DOCK8: variants seen among roughly 807,000 people sequenced by gnomAD.
DOCK8 encodes dedicator of cytokinesis protein 8.
In DOCK8, 141 loss-of-function variants were observed where a neutral mutation model predicts 245.6. The observed-to-expected ratio is 0.57, with a 90% confidence interval of 0.50 to 0.66. The LOEUF (loss-of-function observed/expected upper bound fraction) is 0.66, where lower values mean the gene tolerates loss of function less well. Among genes scored for constraint, DOCK8 ranks in the 30% least tolerant of loss-of-function variants. DOCK8 has a pLI of 0.00. For missense variants in DOCK8, 2,965 were observed against 2,603.4 expected, an observed-to-expected ratio of 1.14 and a Z score of -3.02; for synonymous variants, 1,168 against 970.2, an observed-to-expected ratio of 1.20 and a Z score of -3.79.
intron 29 of DOCK8, among the ~76,000 whole-genome samples, chr9:416,113 G>A (rs1313934647): frequency 6.6e-6 from 1 of 152,158 alleles, no homozygotes; most frequent in Admixed American, 6.5e-5. Flanking sequence ...TGAGACAGGG[G>A]TTAGGGTTTG....
At chr9:304,337 A>G (rs1460146823) in intron 4 of DOCK8, among the ~76,000 whole-genome samples, 1 of 152,136 alleles carries the variant, frequency 6.6e-6, no homozygotes, top group East Asian at 1.9e-4. Context: ...CTGAAGTGGC[A>G]TTTTCCCAGG....
chr9:418,297 A>T, intron 30 of DOCK8, 90 bp downstream of exon 30: 2 of 1,543,848 alleles, frequency 1.3e-6, no homozygotes, highest in Non-Finnish European at 1.8e-6. Context: ...TTTGAGACAG[A>T]GTCTCACTCT....
At chr9:432,138 ATC>A in intron 36 of DOCK8, 26 bp from the exon 37 acceptor site, 1 of 1,536,266 alleles carries the variant, frequency 6.5e-7, no homozygotes, top group Non-Finnish European at 8.8e-7. Flanking sequence ...TATTTACTTC[ATC>A]TTTTTTTTTT....
At chr9:299,877 C>G (rs932487152) in intron 4 of DOCK8, among the ~76,000 whole-genome samples, 23 of 151,996 alleles carry the variant, frequency 1.5e-4, no homozygotes, top group African/African-American at 5.6e-4. Flanking sequence ...AAAAAATTAG[C>G]TGGCTGTGGT....
intron 1 of DOCK8, among the ~76,000 whole-genome samples, chr9:223,171 C>G (rs141299624): frequency 0.017 from 2,645 of 152,266 alleles, 35 homozygotes; most frequent in South Asian, 0.052. Context: ...ATTCATTGTT[C>G]TTCTGTGATA....
intron 33 of DOCK8, among the ~76,000 whole-genome samples, chr9:424,095 A>G (rs2056389059): frequency 6.6e-6 from 1 of 151,794 alleles, no homozygotes; most frequent in Admixed American, 6.6e-5. Context: ...AAACCATAGT[A>G]AAATTATAAC....
In DOCK8 at chr9:226,271, A is replaced by G. The variant is rs973465746; in HGVS notation, c.53+11242A>G. On this transcript the variant is annotated intron_variant, in intron 1 of 47. Coordinates refer to ENST00000432829, the MANE Select transcript of DOCK8 (RefSeq NM_203447.4). ...CCATCAGATCTCGTGAGACTTATTC[A>G]CTATCATGAGAATAGCATGAGGAAA... Among the ~76,000 whole-genome samples the G allele has an allele frequency of 2.0e-5, 3 of 152,176 alleles. No individual in the cohort carries two copies. In the South Asian group the frequency reaches 6.2e-4, roughly 32 times the overall value.
intron 4 of DOCK8, 115 bp from the exon 5 acceptor site, chr9:304,466 T>G: frequency 1.4e-6 from 2 of 1,393,040 alleles, no homozygotes; most frequent in South Asian, 1.2e-5. Flanking sequence ...GTTCCCTCTT[T>G]GAAAGCTCTC....
intron 1 of DOCK8, among the ~76,000 whole-genome samples, chr9:248,700 T>C (rs1161050062): frequency 6.6e-6 from 1 of 152,202 alleles, no homozygotes; most frequent in Non-Finnish European, 1.5e-5. Flanking sequence ...CTTTAGATTC[T>C]CCACCTTCCT....
At position 314,290 on chromosome 9, in the gene DOCK8, A is replaced by C. The variant is rs540776820; in HGVS notation, c.741+2124A>C. On this transcript the variant is annotated intron_variant, in intron 6 of 47. Coordinates refer to ENST00000432829, the MANE Select transcript of DOCK8 (RefSeq NM_203447.4). ...CTTTACTTTCCTTCCTCTTCCTCTC[A>C]GTTCTGTGATGGAGATGCCAACATG... 2.6e-5 allele frequency: 4 copies of C among 152,346 alleles called. No homozygotes were observed. The East Asian group carries it at 7.7e-4, about 29-fold the overall frequency. 9.4% of individuals were successfully genotyped at this position (152,346 alleles called of 1,614,324 possible). A position where few individuals can be genotyped will look rare whatever the true frequency, so the allele number is the denominator to read the frequency against.
intron 36 of DOCK8, among the ~76,000 whole-genome samples, chr9:431,128 C>A (rs1417619428): frequency 6.6e-6 from 1 of 152,092 alleles, no homozygotes; most frequent in East Asian, 1.9e-4. Flanking sequence ...CCCTCCTCAG[C>A]CCCCCAAAGT....
chr9:254,448 T>G (rs1052068870), intron 1 of DOCK8, among the ~76,000 whole-genome samples: 3 of 152,224 alleles, frequency 2.0e-5, no homozygotes, highest in Non-Finnish European at 4.4e-5. Context: ...CTACTTACTT[T>G]AGCAAGATTA....
chr9:311,968 C>G lies in DOCK8; in HGVS notation c.543C>G (p.His181Gln). Reference sequence around the variant, plus strand: ...TTCTCTCACAGGCAGGCCCCCGCCACTTAAACGTGCTGTGCGACGTGTCTG... The same window carrying G: ...TTCTCTCACAGGCAGGCCCCCGCCAGTTAAACGTGCTGTGCGACGTGTCTG... ...SEPAAQAGPR[H>Q]LNVLCDVSGK... The change falls in exon 6 of 48, where the codon CAC becomes CAG. Residue 181 changes from histidine to glutamine, a missense_variant. Transcript: ENST00000432829. 1 of 1,614,074 alleles carries G rather than the reference C, an allele frequency of 6.2e-7. No homozygotes were observed. Among genetic ancestry groups the G allele is most frequent in the Middle Eastern group, 1.6e-4 (1 of 6,062 alleles).
rs181243052 is a variant in DOCK8, at chr9:409,137, T to C, written c.3530+2068T>C. ...TTTTTTCTTTTGCTTCCAAGACAGT[T>C]GGTAGACTTGCCAACACCTGTACAT... On this transcript the variant is annotated intron_variant, in intron 28 of 47. Coordinates refer to ENST00000432829, the MANE Select transcript of DOCK8 (RefSeq NM_203447.4). 5.2e-3 allele frequency among the ~76,000 whole-genome samples: 787 copies of C among 152,156 alleles called. 5 individuals are homozygous for C. The highest frequency in any genetic ancestry group is 8.0e-3 in the Non-Finnish European group (544 of 67,998).
chr9:277,636 G>A (rs1009730348), intron 2 of DOCK8, among the ~76,000 whole-genome samples: 5 of 151,876 alleles, frequency 3.3e-5, no homozygotes, highest in African/African-American at 7.3e-5. Context: ...CTGTGTAGGT[G>A]GTTAATAACC....
Position 286,520 on chromosome 9 carries a change from G to A in DOCK8, c.216G>A (p.Leu72=). 6.2e-7 allele frequency: 1 copy of A among 1,614,002 alleles called. No homozygotes were observed. Residue 72 remains leucine, a synonymous_variant, in exon 3 of 48, where the codon CTG becomes CTA. Coordinates refer to ENST00000432829, the MANE Select transcript of DOCK8 (RefSeq NM_203447.4). ...TTGAAGGACTTCTGATGACACACCT[G>A]AACAGCCTGGATGTGCAGCTTGCCC... ...VDFEGLLMTH[L]NSLDVQLAQE... is the part of the protein sequence containing the mutation.
At chr9:233,405 T>C (rs559036894) in intron 1 of DOCK8, among the ~76,000 whole-genome samples, 1 of 152,340 alleles carries the variant, frequency 6.6e-6, no homozygotes, top group East Asian at 1.9e-4. Context: ...TGTAGATGTC[T>C]GTTAGGTCTG....
intron 19 of DOCK8, 37 bp downstream of exon 19, chr9:376,342 G>A (rs774789315): frequency 3.5e-6 from 5 of 1,413,224 alleles, no homozygotes; most frequent in Middle Eastern, 1.8e-4. Context: ...AGGTAAAGGT[G>A]CAGCGGAGGA....
chr9:309,062 A>G (rs1445758323), intron 5 of DOCK8, among the ~76,000 whole-genome samples: 2 of 152,208 alleles, frequency 1.3e-5, no homozygotes, highest in Non-Finnish European at 2.9e-5. Context: ...TTGTTTTGCT[A>G]TCACGAACAG....
Sources: allele counts gnomAD v4.1 joint callset (sites outside exome capture counted in the v4.1 genomes callset), GRCh38; gene constraint gnomAD v4.1.1; transcripts MANE v1.5; gene names NCBI Gene and HGNC (gene_info 2026-07-23, HGNC 2026-07-21).